PPP2R2B: variants seen among roughly 807,000 people sequenced by gnomAD.
The protein encoded by PPP2R2B is serine/threonine-protein phosphatase 2A 55 kDa regulatory subunit B beta isoform.
A neutral mutation model predicts 46.0 loss-of-function variants in PPP2R2B; 5 were observed. The ratio of observed to expected loss-of-function variants is 0.11; its 90% confidence interval spans 0.06 to 0.23. The LOEUF (loss-of-function observed/expected upper bound fraction) is 0.23. PPP2R2B is among the 10% of genes least tolerant of loss of function. PPP2R2B has a pLI of 1.00. For missense variants in PPP2R2B, 367 were observed against 575.0 expected (o/e 0.64, Z 3.70); for synonymous variants, 215 against 206.7 (o/e 1.04, Z -0.34).
chr5:146,973,912 C>T (rs1326247890), intron 1 of PPP2R2B, among the ~76,000 whole-genome samples: 1 of 152,164 alleles, frequency 6.6e-6, no homozygotes, highest in African/African-American at 2.4e-5. Flanking sequence ...TTTGCAAAGC[C>T]TATAGGGTAA....
At chr5:147,016,659 C>T (rs1755021868) in intron 1 of PPP2R2B, among the ~76,000 whole-genome samples, 1 of 113,966 alleles carries the variant, frequency 8.8e-6, no homozygotes, top group South Asian at 2.9e-4. Flanking sequence ...TATATTCAAT[C>T]CTTCTGTGTT....
chr5:146,861,047 ATTTTTTCTTTTTTT>A (rs1760957333), intron 2 of PPP2R2B, among the ~76,000 whole-genome samples: 1 of 132,174 alleles, frequency 7.6e-6, no homozygotes, highest in African/African-American at 3.0e-5. Context: ...TTCAAACTGA[ATTTTTTCTTTTTTT>A]TTTTTTTTTT....
At chr5:146,685,130 T>C (rs34040465) in intron 5 of PPP2R2B, among the ~76,000 whole-genome samples, 3,624 of 152,320 alleles carry the variant, frequency 0.024, 145 homozygotes, top group African/African-American at 0.083. Flanking sequence ...GGAAAAGTCC[T>C]GTACATCAGA....
intron 1 of PPP2R2B, among the ~76,000 whole-genome samples, chr5:146,904,171 G>C (rs1762927497): frequency 6.6e-6 from 1 of 152,070 alleles, no homozygotes; most frequent in South Asian, 2.1e-4. Context: ...ATTTGTTCTT[G>C]AGTTTCTAAC....
chr5:147,073,282 A>G (rs1042473550), intron 2 of PPP2R2B, among the ~76,000 whole-genome samples: 1 of 152,202 alleles, frequency 6.6e-6, no homozygotes, highest in African/African-American at 2.4e-5. Context: ...GTTTGCCTTC[A>G]ATGTTATGCA....
chr5:146,696,368 T>C (rs543699106), intron 4 of PPP2R2B, among the ~76,000 whole-genome samples: 195 of 152,294 alleles, frequency 1.3e-3, no homozygotes, highest in Middle Eastern at 6.8e-3. Context: ...CCTCCCAAAG[T>C]GCTGGGATTA....
Position 146,893,869 on chromosome 5 carries a change from T to A in PPP2R2B, c.79+161796A>T, listed in dbSNP as rs186584403. On this transcript the variant is annotated intron_variant, in intron 1 of 8. Coordinates refer to the PPP2R2B transcript ENST00000336640. ...ACATTCAGCACATGTATCCCAGAAC[T>A]TAAAGTAAAATTGAAAAAAAAAAAA... 4.9e-5 allele frequency among the ~76,000 whole-genome samples: 6 copies of A among 121,874 alleles called. No individual in the cohort carries two copies. The East Asian group carries it at 9.8e-4, about 20-fold the overall frequency. 80.0% of individuals were successfully genotyped at this position (121,874 alleles called of 152,430 possible). A position where few individuals can be genotyped will look rare whatever the true frequency, so the allele number is the denominator to read the frequency against.
At chr5:147,035,961 A>G (rs1756015513) in intron 1 of PPP2R2B, among the ~76,000 whole-genome samples, 1 of 152,138 alleles carries the variant, frequency 6.6e-6, no homozygotes, top group Non-Finnish European at 1.5e-5. Context: ...AGTGTTCTGT[A>G]TTACTATTTT....
At position 146,585,196 on chromosome 5, in the gene PPP2R2B, T is replaced by C. The variant is rs755763801; in HGVS notation, c.*4751A>G. On this transcript the variant is annotated 3_prime_UTR_variant, in exon 10 of 10. Transcript: ENST00000394411. ...CCCAGGCAACCAATGAATCTTTAATTCATTGAGCTTATGGGTCATTACTGG... is the reference window on the plus strand; with the variant it reads ...CCCAGGCAACCAATGAATCTTTAATCCATTGAGCTTATGGGTCATTACTGG... 1 of 151,268 alleles carries C rather than the reference T, an allele frequency of 6.6e-6. No homozygotes were observed. The highest frequency in any genetic ancestry group is 6.6e-5 in the Admixed American group (1 of 15,148). The allele number at this position is 151,268 out of a possible 1,614,324, so 9.4% of individuals were successfully genotyped here.
intron 2 of PPP2R2B, among the ~76,000 whole-genome samples, chr5:146,839,823 G>A (rs951637432): frequency 2.6e-5 from 4 of 152,196 alleles, no homozygotes; most frequent in Non-Finnish European, 5.9e-5. Flanking sequence ...TTCTAAAGGG[G>A]CAGAGAATAG....
At chr5:147,073,814 G>C (rs7705863) in intron 2 of PPP2R2B, among the ~76,000 whole-genome samples, 4,680 of 152,226 alleles carry the variant, frequency 0.031, 270 homozygotes, top group African/African-American at 0.11. Context: ...GAGGCAGGCA[G>C]ATCACAAGGT....
intron 1 of PPP2R2B, among the ~76,000 whole-genome samples, chr5:146,935,248 C>T (rs1218978331): frequency 6.6e-6 from 1 of 152,158 alleles, no homozygotes; most frequent in African/African-American, 2.4e-5. Context: ...ATGTAATAGG[C>T]TCCAGATAGA....
In PPP2R2B at chr5:147,016,111, A is replaced by T. The variant is rs2151881781; in HGVS notation, c.79+39554T>A. On this transcript the variant is annotated intron_variant, in intron 1 of 8. Transcript: ENST00000336640. ...GCCCAGCACAGAGGCCAAGGCAGGT[A>T]CATTGCTTGGTCCCAGGAGTTCGAG... Among the ~76,000 whole-genome samples the T allele has an allele frequency of 2.0e-5, 3 of 151,682 alleles. No individual in the cohort carries two copies. In the South Asian group the frequency reaches 6.2e-4, roughly 32 times the overall value.
At chr5:146,854,058 C>T (rs1011126986) in intron 2 of PPP2R2B, among the ~76,000 whole-genome samples, 2 of 152,054 alleles carry the variant, frequency 1.3e-5, no homozygotes, top group Non-Finnish European at 1.5e-5. Context: ...ATATACTAAA[C>T]CTTTGCATCC....
intron 2 of PPP2R2B, among the ~76,000 whole-genome samples, chr5:146,855,164 G>A (rs1347385207): frequency 6.6e-6 from 1 of 151,968 alleles, no homozygotes; most frequent in Non-Finnish European, 1.5e-5. Context: ...TACTTAGTTG[G>A]TAGGAAGGAA....
At chr5:146,848,937 A>G (rs1219981063) in intron 2 of PPP2R2B, among the ~76,000 whole-genome samples, 1 of 152,188 alleles carries the variant, frequency 6.6e-6, no homozygotes, top group Non-Finnish European at 1.5e-5. Context: ...ATTCAATGCT[A>G]TATTTTATTG....
intron 2 of PPP2R2B, among the ~76,000 whole-genome samples, chr5:147,062,477 C>T (rs762833692): frequency 1.3e-5 from 2 of 152,078 alleles, no homozygotes; most frequent in Admixed American, 1.3e-4. Context: ...TTGAATCCTC[C>T]TGAAAAACCT....
chr5:147,046,132 A>G (rs1427048370), intron 1 of PPP2R2B, among the ~76,000 whole-genome samples: 1 of 152,156 alleles, frequency 6.6e-6, no homozygotes, highest in East Asian at 1.9e-4. Flanking sequence ...CCCATCACCC[A>G]GCTGATATCT....
At chr5:146,771,562 C>T (rs766538139) in intron 2 of PPP2R2B, among the ~76,000 whole-genome samples, 2 of 152,090 alleles carry the variant, frequency 1.3e-5, no homozygotes, top group East Asian at 3.8e-4. Context: ...ATAAGAGTTA[C>T]AAACTCAAGT....
Sources: gnomAD v4.1 joint callset for allele counts (sites outside exome capture counted in the v4.1 genomes callset) on GRCh38, gnomAD v4.1.1 for gene constraint, MANE v1.5 for transcripts, NCBI Gene and HGNC (gene_info 2026-07-23, HGNC 2026-07-21) for gene names.